LUZP2: variants seen among roughly 807,000 people sequenced by gnomAD.
LUZP2 encodes leucine zipper protein 2.
LUZP2 carries 52 observed loss-of-function variants against 51.6 expected under a neutral mutation model. The ratio of observed to expected loss-of-function variants is 1.01; its 90% CI spans 0.81 to 1.27. LUZP2 has a LOEUF of 1.27. Among genes scored for constraint, LUZP2 ranks in the 50% most tolerant of loss-of-function variants. The pLI, the probability that LUZP2 is intolerant of heterozygous loss-of-function variation, is 0.00. For missense variants in LUZP2, 436 were observed against 395.4 expected, an observed-to-expected ratio of 1.10 and a Z score of -0.87; for synonymous variants, 154 against 137.3, an observed-to-expected ratio of 1.12 and a Z score of -0.85.
chr11:24,915,874 C>T (rs1853774449), intron 7 of LUZP2, among the ~76,000 whole-genome samples: 1 of 152,088 alleles, frequency 6.6e-6, no homozygotes, highest in Non-Finnish European at 1.5e-5. Flanking sequence ...GACATTCAGC[C>T]ATGCACCTTT....
intron 5 of LUZP2, among the ~76,000 whole-genome samples, chr11:24,781,729 A>G (rs1029647802): frequency 1.4e-4 from 21 of 152,080 alleles, no homozygotes; most frequent in African/African-American, 5.1e-4. Flanking sequence ...TTTTTAATAT[A>G]CATTAGGAAC....
At chr11:24,653,237 A>T (rs1319370546) in intron 1 of LUZP2, among the ~76,000 whole-genome samples, 1 of 152,162 alleles carries the variant, frequency 6.6e-6, no homozygotes, top group Admixed American at 6.6e-5. Context: ...GATATCTGTC[A>T]TCATGTTCTG....
intron 7 of LUZP2, among the ~76,000 whole-genome samples, chr11:24,937,047 A>AACACAC (rs138164177): frequency 5.6e-4 from 84 of 149,686 alleles, no homozygotes; most frequent in African/African-American, 1.6e-3. Context: ...TGCAATGAGA[A>AACACAC]ACACACACAC....
At chr11:25,072,422 T>C (rs1350728634) in intron 10 of LUZP2, among the ~76,000 whole-genome samples, 3 of 152,136 alleles carry the variant, frequency 2.0e-5, no homozygotes, top group African/African-American at 7.2e-5. Context: ...AGAACTATTT[T>C]TGAAGCTCAA....
At chr11:24,929,824 G>T (rs1218819471) in intron 7 of LUZP2, among the ~76,000 whole-genome samples, 1 of 152,054 alleles carries the variant, frequency 6.6e-6, no homozygotes, top group Non-Finnish European at 1.5e-5. Flanking sequence ...GGGTACTGAA[G>T]TGTTCTACTA....
At chr11:24,935,638 G>T (rs1854565521) in intron 7 of LUZP2, among the ~76,000 whole-genome samples, 1 of 151,956 alleles carries the variant, frequency 6.6e-6, no homozygotes, top group Non-Finnish European at 1.5e-5. Flanking sequence ...TGGTAGTATT[G>T]TTCTTCTAAA....
At chr11:24,826,190 A>AATATATATAT (rs1158935544) in intron 5 of LUZP2, among the ~76,000 whole-genome samples, 3,510 of 67,122 alleles carry the variant, frequency 0.052, 290 homozygotes, top group Non-Finnish European at 0.066. Context: ...AAAAAAAAAA[A>AATATATATAT]ATATATATAT....
chr11:24,991,147 A>C (rs1856321573), intron 9 of LUZP2, among the ~76,000 whole-genome samples: 1 of 151,752 alleles, frequency 6.6e-6, no homozygotes, highest in Admixed American at 6.6e-5. Context: ...GAGTCCCCAA[A>C]GTCCTTTGTA....
At chr11:25,023,195 A>G (rs138535638) in intron 9 of LUZP2, among the ~76,000 whole-genome samples, 8 of 151,924 alleles carry the variant, frequency 5.3e-5, no homozygotes, top group African/African-American at 1.9e-4. Context: ...CTCTTTTTCT[A>G]TTGATTGGAA....
At chr11:24,763,380 C>T (rs935006140) in intron 5 of LUZP2, 72 bp downstream of exon 5, 6 of 660,348 alleles carry the variant, frequency 9.1e-6, no homozygotes, top group Non-Finnish European at 1.4e-5. Context: ...TATAAAGTTG[C>T]CACTAGTTTG....
chr11:24,650,861 G>T (rs1418401690), intron 1 of LUZP2, among the ~76,000 whole-genome samples: 2 of 152,008 alleles, frequency 1.3e-5, no homozygotes, highest in African/African-American at 4.8e-5. Flanking sequence ...TGTTCATGGA[G>T]TTCTTAAATA....
intron 5 of LUZP2, among the ~76,000 whole-genome samples, chr11:24,799,041 G>A (rs963307391): frequency 6.6e-6 from 1 of 152,100 alleles, no homozygotes; most frequent in Admixed American, 6.6e-5. Flanking sequence ...TCACTGTAGA[G>A]AAAGCTGTTT....
chr11:25,032,081 A>T (rs1332669203), intron 9 of LUZP2, among the ~76,000 whole-genome samples: 1 of 152,124 alleles, frequency 6.6e-6, no homozygotes, highest in African/African-American at 2.4e-5. Flanking sequence ...GTCTGCAAAT[A>T]GAGGAAAGAA....
intron 1 of LUZP2, among the ~76,000 whole-genome samples, chr11:24,648,377 C>A (rs929818875): frequency 6.6e-6 from 1 of 151,912 alleles, no homozygotes; most frequent in African/African-American, 2.4e-5. Flanking sequence ...CCCCTGTCTA[C>A]TGTCTCTAAT....
At chr11:24,989,047 C>T (rs1856260514) in intron 9 of LUZP2, among the ~76,000 whole-genome samples, 1 of 149,064 alleles carries the variant, frequency 6.7e-6, no homozygotes, top group South Asian at 2.1e-4. Context: ...CATTCTGGAG[C>T]AGTGAGGGAA....
At chr11:24,993,133 T>A (rs1364545882) in intron 9 of LUZP2, among the ~76,000 whole-genome samples, 3 of 152,096 alleles carry the variant, frequency 2.0e-5, no homozygotes, top group African/African-American at 7.2e-5. Flanking sequence ...CATGGTAAAT[T>A]GTAAAGTTAG....
chr11:24,959,659 A>C (rs577092458), intron 7 of LUZP2, among the ~76,000 whole-genome samples: 133 of 152,284 alleles, frequency 8.7e-4, no homozygotes, highest in African/African-American at 3.1e-3. Context: ...GGGCTGAGAC[A>C]GTGGGGTTTT....
Position 25,080,203 on chromosome 11 carries a change from G to A in LUZP2, c.*1545G>A, listed in dbSNP as rs949019730. The A allele has an allele frequency of 4.6e-5, 7 of 152,000 alleles. No homozygotes were observed. The highest frequency in any genetic ancestry group is 1.7e-4 in the African/African-American group (7 of 41,390). The allele number at this position is 152,000 out of a possible 1,614,324, so 9.4% of individuals were successfully genotyped here. On this transcript the variant is annotated 3_prime_UTR_variant, in exon 12 of 12. Coordinates refer to ENST00000336930, the MANE Select transcript of LUZP2 (RefSeq NM_001009909.4). ...CTACATGCTTTGAATTTTGAATTTT[G>A]TTATTTTTTGGAGGGCTAGTGATAC...
intron 7 of LUZP2, among the ~76,000 whole-genome samples, chr11:24,934,265 G>A (rs1031482535): frequency 1.2e-4 from 18 of 152,256 alleles, no homozygotes; most frequent in Non-Finnish European, 5.9e-5. Flanking sequence ...GCTTGGGCTC[G>A]GAGGCCTGAC....
Sources: allele counts gnomAD v4.1 joint callset (sites outside exome capture counted in the v4.1 genomes callset), GRCh38; gene constraint gnomAD v4.1.1; transcripts MANE v1.5; gene names NCBI Gene and HGNC (gene_info 2026-07-23, HGNC 2026-07-21).